The following ZCCHC7 variants were observed in gnomAD, a reference collection of about 807,000 sequenced individuals.
ZCCHC7 encodes the protein zinc finger CCHC domain-containing protein 7.
A neutral mutation model predicts 52.0 loss-of-function variants in ZCCHC7; 35 were observed. The ratio of observed to expected loss-of-function variants is 0.67; its 90% CI spans 0.51 to 0.89. The LOEUF (loss-of-function observed/expected upper bound fraction) is 0.89, where lower values mean the gene tolerates loss of function less well. ZCCHC7 is among the 40% of genes least tolerant of loss of function. The pLI, the probability that ZCCHC7 is intolerant of heterozygous loss-of-function variation, is 0.00. For synonymous variants in ZCCHC7, 217 were observed against 221.5 expected, an observed-to-expected ratio of 0.98 and a Z score of 0.18; for missense variants, 574 against 649.1, an observed-to-expected ratio of 0.88 and a Z score of 1.26.
chr9:37,299,003 G>A (rs1324128405), intron 2 of ZCCHC7, among the ~76,000 whole-genome samples: 1 of 152,094 alleles, frequency 6.6e-6, no homozygotes, highest in Admixed American at 6.6e-5. Flanking sequence ...ATAGATGTTT[G>A]TTAAACGGAG....
chr9:37,317,846 C>A (rs1016529984), intron 5 of ZCCHC7, among the ~76,000 whole-genome samples: 22 of 150,706 alleles, frequency 1.5e-4, no homozygotes, highest in African/African-American at 5.4e-4. Context: ...CCCCCCGACC[C>A]CCCCCAAAAA....
chr9:37,224,360 A>G (rs1186147843), intron 2 of ZCCHC7, among the ~76,000 whole-genome samples: 1 of 152,146 alleles, frequency 6.6e-6, no homozygotes, highest in Admixed American at 6.5e-5. Flanking sequence ...TTCTTCCCCT[A>G]AGATTCAGGT....
chr9:37,149,275 G>T (rs1476243093), intron 2 of ZCCHC7, among the ~76,000 whole-genome samples: 1 of 152,152 alleles, frequency 6.6e-6, no homozygotes, highest in Non-Finnish European at 1.5e-5. Flanking sequence ...TTAATTTATA[G>T]TTCGGTGTTT....
chr9:37,157,654 C>T (rs186524907), intron 2 of ZCCHC7, among the ~76,000 whole-genome samples: 1 of 152,248 alleles, frequency 6.6e-6, no homozygotes, highest in African/African-American at 2.4e-5. Flanking sequence ...AGGCATTTTT[C>T]CAAAGGCATA....
At chr9:37,264,102 C>G (rs571174717) in intron 2 of ZCCHC7, among the ~76,000 whole-genome samples, 1 of 152,102 alleles carries the variant, frequency 6.6e-6, no homozygotes, top group African/African-American at 2.4e-5. Flanking sequence ...ATTGTTTAAA[C>G]CTTTCAAGAC....
At chr9:37,240,724 G>T (rs1488018180) in intron 2 of ZCCHC7, among the ~76,000 whole-genome samples, 1 of 151,870 alleles carries the variant, frequency 6.6e-6, no homozygotes, top group Admixed American at 6.6e-5. Flanking sequence ...AGTAGCAAAG[G>T]TTGGGATAGA....
intron 2 of ZCCHC7, among the ~76,000 whole-genome samples, chr9:37,263,077 A>G (rs1222648722): frequency 6.6e-6 from 1 of 152,164 alleles, no homozygotes; most frequent in Non-Finnish European, 1.5e-5. Context: ...CATGTTGTAC[A>G]TGAGTTTACT....
chr9:37,124,318 T>TA (rs1842448937), intron 1 of ZCCHC7, among the ~76,000 whole-genome samples: 1 of 151,922 alleles, frequency 6.6e-6, no homozygotes, highest in African/African-American at 2.4e-5. Flanking sequence ...TGCTAGAATT[T>TA]AAGACTTTGG....
intron 5 of ZCCHC7, among the ~76,000 whole-genome samples, chr9:37,313,988 A>T (rs1829705478): frequency 6.6e-6 from 1 of 152,212 alleles, no homozygotes; most frequent in South Asian, 2.1e-4. Context: ...AATTGTACTA[A>T]ATGGTTTCCT....
rs577809313 is a variant in ZCCHC7 at position 37,357,530 on chromosome 9, A to T, written c.*262A>T. On this transcript the variant is annotated 3_prime_UTR_variant, in exon 9 of 9. Coordinates refer to ENST00000336755, the MANE Select transcript of ZCCHC7 (RefSeq NM_032226.3). ...GTCATCTTTACTCAGAATCCTAGGG[A>T]TAGGTAGAAGAATTCATCTTTTCAA... is the stretch of plus-strand genomic sequence containing the variant. 7 of 268,218 alleles carry T rather than the reference A, an allele frequency of 2.6e-5. No individual in the cohort carries two copies. Among genetic ancestry groups the T allele is most frequent in the South Asian group, 1.6e-4 (1 of 6,114 alleles). 16.6% of individuals were successfully genotyped at this position (268,218 alleles called of 1,614,324 possible).
intron 2 of ZCCHC7, among the ~76,000 whole-genome samples, chr9:37,245,829 A>G (rs1469341568): frequency 6.6e-6 from 1 of 152,028 alleles, no homozygotes; most frequent in Non-Finnish European, 1.5e-5. Context: ...GGTTCAGAGA[A>G]TAGCAGGTAT....
chr9:37,281,822 A>C (rs1396190901), intron 2 of ZCCHC7, among the ~76,000 whole-genome samples: 3 of 152,202 alleles, frequency 2.0e-5, no homozygotes, highest in African/African-American at 7.2e-5. Context: ...TTCCTAGGCT[A>C]AGGATTTTTG....
At chr9:37,296,881 TTGTGTGTGTG>T (rs56378965) in intron 2 of ZCCHC7, among the ~76,000 whole-genome samples, 84 of 124,204 alleles carry the variant, frequency 6.8e-4, no homozygotes, top group Non-Finnish European at 9.3e-4. Context: ...CCTGGCTAGT[TTGTGTGTGTG>T]TGTGTGTGTG....
At chr9:37,173,897 T>G (rs1363485411) in intron 2 of ZCCHC7, among the ~76,000 whole-genome samples, 3 of 152,202 alleles carry the variant, frequency 2.0e-5, no homozygotes, top group Non-Finnish European at 2.9e-5. Flanking sequence ...ATAAACATGA[T>G]TTGTGGAATT....
chr9:37,264,699 A>G (rs1827020528), intron 2 of ZCCHC7, among the ~76,000 whole-genome samples: 1 of 152,196 alleles, frequency 6.6e-6, no homozygotes, highest in African/African-American at 2.4e-5. Flanking sequence ...TTTCCTCCTA[A>G]GTACAGAGCT....
At chr9:37,279,513 C>T (rs1182338621) in intron 2 of ZCCHC7, among the ~76,000 whole-genome samples, 4 of 151,904 alleles carry the variant, frequency 2.6e-5, no homozygotes, top group East Asian at 1.9e-4. Flanking sequence ...GACGAAAGGA[C>T]GGACAGAGTA....
intron 2 of ZCCHC7, among the ~76,000 whole-genome samples, chr9:37,171,785 A>T (rs1485186158): frequency 6.6e-6 from 1 of 152,218 alleles, no homozygotes; most frequent in East Asian, 1.9e-4. Context: ...CAAACTAGTT[A>T]CTAATAAAAT....
chr9:37,305,850 TA>T, intron 5 of ZCCHC7, 136 bp downstream of exon 5: 1 of 724,294 alleles, frequency 1.4e-6, no homozygotes, highest in Non-Finnish European at 2.0e-6. Context: ...TATATATATA[TA>T]GTCATGTCCA....
chr9:37,261,511 A>T (rs1388879306), intron 2 of ZCCHC7, among the ~76,000 whole-genome samples: 2 of 152,196 alleles, frequency 1.3e-5, no homozygotes, highest in Non-Finnish European at 2.9e-5. Flanking sequence ...GATGTGCCAC[A>T]TCTATTGCAA....
Sources: allele counts gnomAD v4.1 joint callset (sites outside exome capture counted in the v4.1 genomes callset), GRCh38; gene constraint gnomAD v4.1.1; transcripts MANE v1.5; gene names NCBI Gene and HGNC (gene_info 2026-07-23, HGNC 2026-07-21).